The following SLC41A2 variants were observed in gnomAD, a reference collection of about 807,000 sequenced individuals.
SLC41A2 encodes the protein SLC41A1-like 1.
Under a neutral mutation model 58.3 loss-of-function variants are expected in SLC41A2, and 32 were observed. The ratio of observed to expected loss-of-function variants is 0.55; its 90% CI spans 0.41 to 0.74. The LOEUF (loss-of-function observed/expected upper bound fraction) is 0.74, where lower values mean the gene tolerates loss of function less well. Ranked by LOEUF, SLC41A2 falls within the 30% of genes least tolerant of loss-of-function variation. The pLI is 0.00. For missense variants in SLC41A2, 514 were observed against 680.6 expected (o/e 0.76, Z 2.72); for synonymous variants, 190 against 235.0 (o/e 0.81, Z 1.75).
At chr12:104,853,926 T>TTTTTTTTTTTTTTTTTTTTTTTTTTA (rs2042918454) in intron 8 of SLC41A2, among the ~76,000 whole-genome samples, 1 of 118,850 alleles carries the variant, frequency 8.4e-6, no homozygotes, top group African/African-American at 3.1e-5. Context: ...TTTTTTTTTT[T>TTTTTTTTTTTTTTTTTTTTTTTTTTA]TTTTTTTTTT....
intron 2 of SLC41A2, among the ~76,000 whole-genome samples, chr12:104,921,497 T>C (rs2046592742): frequency 1.4e-5 from 2 of 148,010 alleles, no homozygotes; most frequent in Admixed American, 6.7e-5. Context: ...GAAAGAAATT[T>C]GAAAAGAAAA....
rs1191565524 is a variant in SLC41A2, at chr12:104,804,026, C to A, written c.*1126G>T. ...GGCGTTGTGGCGCATTCCTGTAATC[C>A]CAGCTACTCGGGAGGCTGAGGCAGG... On this transcript the variant is annotated 3_prime_UTR_variant, in exon 11 of 11. Transcript: ENST00000258538. 1 of 150,194 alleles carries A rather than the reference C, an allele frequency of 6.7e-6. No homozygotes were observed. Among genetic ancestry groups the A allele is most frequent in the Non-Finnish European group, 1.5e-5 (1 of 67,606 alleles). The allele number at this position is 150,194 out of a possible 1,614,324, so 9.3% of individuals were successfully genotyped here.
chr12:104,890,792 G>A (rs912439641), intron 4 of SLC41A2, among the ~76,000 whole-genome samples: 11 of 152,186 alleles, frequency 7.2e-5, no homozygotes, highest in Admixed American at 7.2e-4. Context: ...GACTACTTAT[G>A]TATGTATTTG....
intron 2 of SLC41A2, among the ~76,000 whole-genome samples, chr12:104,925,635 G>A (rs2135870769): frequency 6.6e-6 from 1 of 152,222 alleles, no homozygotes; most frequent in Middle Eastern, 3.4e-3. Flanking sequence ...AGTCCTTAGG[G>A]CTAGCACTGT....
intron 1 of SLC41A2, among the ~76,000 whole-genome samples, chr12:104,956,323 A>G (rs1213942078): frequency 6.6e-6 from 1 of 152,234 alleles, no homozygotes; most frequent in African/African-American, 2.4e-5. Context: ...AGTCAGTGCC[A>G]GTATCCAAAC....
At chr12:104,898,901 G>A (rs1188462031) in intron 3 of SLC41A2, among the ~76,000 whole-genome samples, 1 of 152,122 alleles carries the variant, frequency 6.6e-6, no homozygotes, top group Non-Finnish European at 1.5e-5. Flanking sequence ...TCATATATCA[G>A]AGAAATGCAA....
Position 104,845,361 on chromosome 12 carries a change from CAAG to C in SLC41A2, c.1387+479_1387+481del, listed in dbSNP as rs377085186. ...TATTTTCATCAGGGAAAAAAAATGA[CAAG>C]AATTGTGAAGTTTAAAATTGTGGTC... On this transcript the variant is annotated intron_variant, in intron 9 of 10. Transcript: ENST00000258538. 3.2e-3 allele frequency among the ~76,000 whole-genome samples: 480 copies of C among 152,180 alleles called. 2 individuals carry two copies. Among genetic ancestry groups the C allele is most frequent in the African/African-American group, 0.011 (460 of 41,524 alleles).
At chr12:104,834,057 C>A in intron 10 of SLC41A2, 1 of 985,300 alleles carries the variant, frequency 1.0e-6, no homozygotes, top group Non-Finnish European at 1.2e-6. Context: ...TCAGGCTTTA[C>A]AAGACCGAAA....
chr12:104,883,632 T>C (rs1388487903), intron 6 of SLC41A2, among the ~76,000 whole-genome samples: 1 of 152,236 alleles, frequency 6.6e-6, no homozygotes, highest in Non-Finnish European at 1.5e-5. Context: ...CCTGTTTTCC[T>C]GGGTATCACC....
At chr12:104,951,256 C>G (rs1418192237) in intron 1 of SLC41A2, among the ~76,000 whole-genome samples, 4 of 152,138 alleles carry the variant, frequency 2.6e-5, no homozygotes, top group Non-Finnish European at 5.9e-5. Context: ...TAAACTTATA[C>G]AAGTTAACAG....
chr12:104,922,935 TGAA>T (rs1196038088), intron 2 of SLC41A2, among the ~76,000 whole-genome samples: 1 of 151,622 alleles, frequency 6.6e-6, no homozygotes, highest in Non-Finnish European at 1.5e-5. Flanking sequence ...ACCAATGAAA[TGAA>T]GAAATTAAGA....
chr12:104,908,385 G>C (rs551135124), intron 3 of SLC41A2, among the ~76,000 whole-genome samples: 4 of 152,248 alleles, frequency 2.6e-5, no homozygotes, highest in Non-Finnish European at 4.4e-5. Flanking sequence ...GGGTGGAAAA[G>C]GGGGAGAGGA....
At chr12:104,862,270 A>G (rs577939601) in intron 7 of SLC41A2, among the ~76,000 whole-genome samples, 1 of 152,352 alleles carries the variant, frequency 6.6e-6, no homozygotes, top group South Asian at 2.1e-4. Context: ...TTAGTAAAAT[A>G]AAGGAATTAT....
intron 1 of SLC41A2, among the ~76,000 whole-genome samples, chr12:104,955,849 G>C (rs2048147060): frequency 6.6e-6 from 1 of 151,708 alleles, no homozygotes; most frequent in Non-Finnish European, 1.5e-5. Flanking sequence ...TCATTTAGCT[G>C]TAAGTGGCTC....
intron 8 of SLC41A2, among the ~76,000 whole-genome samples, chr12:104,851,098 A>C (rs1160022873): frequency 1.3e-5 from 2 of 152,212 alleles, no homozygotes; most frequent in African/African-American, 4.8e-5. Context: ...TGAGAGAATT[A>C]AATAAAATAA....
chr12:104,898,656 A>AT (rs1372348118), intron 3 of SLC41A2, among the ~76,000 whole-genome samples: 4 of 151,626 alleles, frequency 2.6e-5, no homozygotes, highest in East Asian at 1.9e-4. Context: ...TCCTTTAGTG[A>AT]TTTTTTCAAA....
intron 10 of SLC41A2, among the ~76,000 whole-genome samples, chr12:104,817,716 G>T (rs1450773149): frequency 6.6e-6 from 1 of 151,210 alleles, no homozygotes; most frequent in Non-Finnish European, 1.5e-5. Context: ...ATAATGAAAT[G>T]TGCTAGACTT....
chr12:104,921,450 A>C (rs958124003), intron 2 of SLC41A2, among the ~76,000 whole-genome samples: 2 of 151,974 alleles, frequency 1.3e-5, no homozygotes, highest in African/African-American at 4.8e-5. Flanking sequence ...GAAACCATAC[A>C]GGCCAGAAGA....
At chr12:104,881,567 G>A (rs191858045) in intron 6 of SLC41A2, among the ~76,000 whole-genome samples, 9 of 152,130 alleles carry the variant, frequency 5.9e-5, no homozygotes, top group African/African-American at 9.6e-5. Flanking sequence ...CCCTCATTTC[G>A]TTATTTACCC....
Sources: allele counts gnomAD v4.1 joint callset (sites outside exome capture counted in the v4.1 genomes callset), GRCh38; gene constraint gnomAD v4.1.1; transcripts MANE v1.5; gene names NCBI Gene and HGNC (gene_info 2026-07-23, HGNC 2026-07-21).